Variants in SOX6 observed in about 807,000 individuals in gnomAD.
The protein encoded by SOX6 is transcription factor SOX-6.
In SOX6, 11 loss-of-function variants were observed where a neutral mutation model predicts 97.8. The ratio of observed to expected loss-of-function variants is 0.11; its 90% CI spans 0.07 to 0.19. The LOEUF is 0.19. SOX6 is among the 10% of genes least tolerant of loss of function. SOX6 has a pLI of 1.00. For synonymous variants in SOX6, 360 were observed against 371.4 expected (o/e 0.97, Z 0.35); for missense variants, 810 against 1,039.5 (o/e 0.78, Z 3.04).
chr11:16,606,769 T>A (rs1848339262), intron 4 of SOX6, among the ~76,000 whole-genome samples: 1 of 152,154 alleles, frequency 6.6e-6, no homozygotes, highest in Non-Finnish European at 1.5e-5. Context: ...TGCCTTAATG[T>A]CCTACGCACA....
chr11:16,258,537 T>C (rs1853765875), intron 3 of SOX6, among the ~76,000 whole-genome samples: 1 of 151,982 alleles, frequency 6.6e-6, no homozygotes. Context: ...AAAAGATTAA[T>C]GGTTGCCAGG....
Position 16,097,059 on chromosome 11 carries a change from T to A in SOX6, c.978+550A>T, listed in dbSNP as rs187579047. ...AAACACTTTCCCCCCAAGTTTAGCT[T>A]TATAAATAAGAAACACCAATGCAAA... On this transcript the variant is annotated intron_variant, in intron 8 of 15. Transcript: ENST00000683767. 3.6e-4 allele frequency among the ~76,000 whole-genome samples: 54 copies of A among 151,916 alleles called. 2 individuals are homozygous for A. The highest frequency in any genetic ancestry group is 3.3e-3 in the Admixed American group (50 of 15,220).
intron 4 of SOX6, among the ~76,000 whole-genome samples, chr11:16,517,706 A>G (rs1412213039): frequency 6.6e-6 from 1 of 152,168 alleles, no homozygotes; most frequent in Non-Finnish European, 1.5e-5. Context: ...AGATCAAGAA[A>G]ATATAACTGT....
rs74806543 is a variant in SOX6, at chr11:16,180,495, T to C, written c.777+3391A>G. Among the ~76,000 whole-genome samples, 1,017 of 151,826 alleles carry C rather than the reference T, an allele frequency of 6.7e-3. 16 individuals are homozygous for C. Among genetic ancestry groups the C allele is most frequent in the African/African-American group, 0.023 (963 of 41,490 alleles). On this transcript the variant is annotated intron_variant, in intron 6 of 15. Transcript: ENST00000683767. ...TTCTGTCCTGGAAATATCAAAAATA[T>C]CTATTTTTTTCCTGGGCTCCATATC...
At chr11:16,354,144 A>C (rs1857018659) in intron 1 of SOX6, among the ~76,000 whole-genome samples, 1 of 151,862 alleles carries the variant, frequency 6.6e-6, no homozygotes, top group Admixed American at 6.6e-5. Flanking sequence ...AAGTTACTTA[A>C]CTCTCTGAGT....
intron 3 of SOX6, among the ~76,000 whole-genome samples, chr11:16,692,095 G>A (rs1219902380): frequency 3.7e-5 from 3 of 81,168 alleles, no homozygotes; most frequent in African/African-American, 7.1e-5. Context: ...GTGTGCGCGC[G>A]CGCGCTTTCT....
chr11:16,582,434 C>A (rs1183124476), intron 4 of SOX6, among the ~76,000 whole-genome samples: 2 of 151,972 alleles, frequency 1.3e-5, no homozygotes, highest in African/African-American at 2.4e-5. Flanking sequence ...TTATAGTAGA[C>A]CCTGTTTTAA....
In SOX6 at chr11:16,049,862, G is replaced by T; in HGVS notation, c.1328C>A (p.Pro443His). Residue 443 changes from proline to histidine, a missense_variant, in exon 11 of 16, where the codon CCC becomes CAC. By Grantham distance (77) the Pro-to-His change is moderately conservative. Coordinates refer to ENST00000683767, the MANE Select transcript of SOX6 (RefSeq NM_001367873.1). ...TAEPVKSPTS[P>H]TQNLFPASKT... ...GCTGGCTGGGAAGAGGTTCTGGGTG[G>T]GAGACGTTGGGGACTTTACAGGCTC... is the stretch of plus-strand genomic sequence containing the variant. 1 of 1,613,790 alleles carries T rather than the reference G, an allele frequency of 6.2e-7. No individual in the cohort carries two copies. The highest frequency in any genetic ancestry group is 1.1e-5 in the South Asian group (1 of 91,058).
chr11:16,202,971 T>C (rs1851978970), intron 4 of SOX6, among the ~76,000 whole-genome samples: 1 of 152,140 alleles, frequency 6.6e-6, no homozygotes, highest in Non-Finnish European at 1.5e-5. Context: ...CATTCGTGGA[T>C]GTTTCAAGCA....
At chr11:16,629,487 T>C (rs1382611975) in intron 3 of SOX6, among the ~76,000 whole-genome samples, 1 of 152,296 alleles carries the variant, frequency 6.6e-6, no homozygotes, top group East Asian at 1.9e-4. Flanking sequence ...ACTGTTGGGT[T>C]TGGTTTGCTA....
At chr11:16,703,718 C>G (rs1390881782) in intron 3 of SOX6, among the ~76,000 whole-genome samples, 1 of 152,080 alleles carries the variant, frequency 6.6e-6, no homozygotes, top group Non-Finnish European at 1.5e-5. Flanking sequence ...GTGCTTAAAC[C>G]TGATGGCTTA....
chr11:16,012,662 AC>A (rs1204726701), intron 13 of SOX6, among the ~76,000 whole-genome samples: 1 of 152,004 alleles, frequency 6.6e-6, no homozygotes, highest in African/African-American at 2.4e-5. Flanking sequence ...TGAAGGGACC[AC>A]GTGTTTCTGC....
intron 2 of SOX6, among the ~76,000 whole-genome samples, chr11:16,729,911 G>A (rs1010647243): frequency 6.6e-6 from 1 of 151,538 alleles, no homozygotes; most frequent in Non-Finnish European, 1.5e-5. Flanking sequence ...AAAAAGCAGG[G>A]GTTGCAATCC....
chr11:16,586,788 G>A (rs1848099393), intron 4 of SOX6, among the ~76,000 whole-genome samples: 1 of 152,148 alleles, frequency 6.6e-6, no homozygotes, highest in South Asian at 2.1e-4. Context: ...CTGGTCCAAA[G>A]GAAAGATAAT....
chr11:16,733,444 G>GGAAA (rs1848366439), intron 2 of SOX6, among the ~76,000 whole-genome samples: 1 of 152,056 alleles, frequency 6.6e-6, no homozygotes, highest in South Asian at 2.1e-4. Context: ...GGATAAAGCT[G>GGAAA]GAAACCATGA....
intron 6 of SOX6, among the ~76,000 whole-genome samples, chr11:16,148,681 C>A (rs974586925): frequency 4.6e-5 from 7 of 152,100 alleles, no homozygotes; most frequent in African/African-American, 1.7e-4. Flanking sequence ...TGCTGGCGCA[C>A]CCACGCACAC....
intron 12 of SOX6, among the ~76,000 whole-genome samples, chr11:16,034,340 G>T (rs1006005889): frequency 5.3e-5 from 8 of 152,128 alleles, no homozygotes; most frequent in African/African-American, 1.2e-4. Context: ...TTTATAAAAA[G>T]ATATAAAGGG....
In SOX6 at chr11:16,000,742, G is replaced by A. The variant is rs756745507; in HGVS notation, c.1733-11512C>T. Among the ~76,000 whole-genome samples, 38 of 151,472 alleles carry A rather than the reference G, an allele frequency of 2.5e-4. 1 individual carries two copies. The highest frequency in any genetic ancestry group is 3.4e-3 in the Middle Eastern group (1 of 292). ...TGTGTGTGTGTGTGCGCGCGTGCGC[G>A]TGTGTGTGTGTGAGAGACAGAGACA... is the stretch of plus-strand genomic sequence containing the variant. On this transcript the variant is annotated intron_variant, in intron 13 of 15. Coordinates refer to ENST00000683767, the MANE Select transcript of SOX6 (RefSeq NM_001367873.1).
intron 12 of SOX6, among the ~76,000 whole-genome samples, chr11:16,027,368 AAAATG>A (rs1312012626): frequency 6.6e-6 from 1 of 152,198 alleles, no homozygotes; most frequent in Non-Finnish European, 1.5e-5. Context: ...TATAGTAAAT[AAAATG>A]AAATTTCCTA....
Sources: gnomAD v4.1 joint callset for allele counts (sites outside exome capture counted in the v4.1 genomes callset) on GRCh38, gnomAD v4.1.1 for gene constraint, MANE v1.5 for transcripts, NCBI Gene and HGNC (gene_info 2026-07-23, HGNC 2026-07-21) for gene names.